KIF13A: variants seen among roughly 807,000 people sequenced by gnomAD.
The protein encoded by KIF13A is kinesin-like protein KIF13A.
A neutral mutation model predicts 212.2 loss-of-function variants in KIF13A; 79 were observed. The observed-to-expected ratio is 0.37, with a 90% CI of 0.31 to 0.45. KIF13A has a LOEUF of 0.45. Ranked by LOEUF, KIF13A falls within the 20% of genes least tolerant of loss-of-function variation. The pLI is 1.00. For synonymous variants in KIF13A, 789 were observed against 808.6 expected (o/e 0.98, Z 0.41); for missense variants, 1,901 against 2,209.0 (o/e 0.86, Z 2.79).
intron 2 of KIF13A, among the ~76,000 whole-genome samples, chr6:17,975,219 G>A (rs1034313038): frequency 5.3e-5 from 8 of 152,156 alleles, no homozygotes; most frequent in Admixed American, 1.3e-4. Context: ...CAGGCGGGGT[G>A]GCAGGTTTCT....
At chr6:17,774,756 A>G (rs1242214785) in intron 35 of KIF13A, among the ~76,000 whole-genome samples, 1 of 151,606 alleles carries the variant, frequency 6.6e-6, no homozygotes, top group African/African-American at 2.4e-5. Context: ...CTGGGTAACA[A>G]GAGTGAAACT....
intron 9 of KIF13A, among the ~76,000 whole-genome samples, chr6:17,844,520 C>T (rs891622444): frequency 5.3e-5 from 8 of 152,180 alleles, no homozygotes; most frequent in Admixed American, 5.2e-4. Context: ...GAGCTTTTAG[C>T]ACTGTGAATC....
chr6:17,815,907 CT>C (rs57780326), intron 17 of KIF13A, among the ~76,000 whole-genome samples: 48,108 of 130,178 alleles, frequency 0.37, 7,171 homozygotes, highest in South Asian at 0.43. Context: ...TAGTCAGGTT[CT>C]TTTTTTTTTT....
In KIF13A at chr6:17,838,965, G is replaced by A. The variant is rs1353437440; in HGVS notation, c.831-1382C>T. Among the ~76,000 whole-genome samples, 3 of 152,032 alleles carry A rather than the reference G, an allele frequency of 2.0e-5. No individual in the cohort carries two copies. Among genetic ancestry groups the A allele is most frequent in the Admixed American group, 6.6e-5 (1 of 15,264 alleles). ...CTCCTGAGTAGCTGGGATTACAGGC[G>A]CCCGCCACCACATCTGGCTGATTTT... On this transcript the variant is annotated intron_variant, in intron 9 of 38. Transcript: ENST00000259711. The surrounding 1 kb of genome is among the most constrained non-coding windows in gnomAD (Gnocchi z 4.2).
At chr6:17,942,471 C>T (rs1438434175) in intron 2 of KIF13A, among the ~76,000 whole-genome samples, 2 of 152,092 alleles carry the variant, frequency 1.3e-5, no homozygotes, top group Admixed American at 6.6e-5. Flanking sequence ...ATTTCACTCC[C>T]TCCCATCTGC....
At chr6:17,913,211 G>A (rs903661172) in intron 2 of KIF13A, among the ~76,000 whole-genome samples, 17 of 105,790 alleles carry the variant, frequency 1.6e-4, no homozygotes, top group African/African-American at 3.9e-4. Context: ...CAGGCAGGAC[G>A]GGATTACGGG....
At position 17,892,249 on chromosome 6, in the gene KIF13A, A is replaced by T. The variant is rs1772133108; in HGVS notation, c.159+5919T>A. ...ATACTGTCTTCTCCTATATGCTGTT[A>T]GCATCAAAGTCCTGGTTACTTTATT... On this transcript the variant is annotated intron_variant, in intron 3 of 38. Transcript: ENST00000259711. This position sits in a 1 kb window ranked among gnomAD's most constrained non-coding sequence, Gnocchi z 4.7. 1.3e-5 allele frequency among the ~76,000 whole-genome samples: 2 copies of T among 152,240 alleles called. No homozygotes were observed. The highest frequency in any genetic ancestry group is 6.5e-5 in the Admixed American group (1 of 15,290).
At position 17,934,460 on chromosome 6, in the gene KIF13A, A is replaced by C. The variant is rs1181019500; in HGVS notation, c.147-36280T>G. On this transcript the variant is annotated intron_variant, in intron 2 of 38. Coordinates refer to ENST00000259711, the MANE Select transcript of KIF13A (RefSeq NM_022113.6). This position sits in a 1 kb window ranked among gnomAD's most constrained non-coding sequence, Gnocchi z 5.4. ...TTCCAGCAGGTAGTATTCTAAAATC[A>C]TAAATACAGAATCCCCAATAATATC... Among the ~76,000 whole-genome samples the C allele has an allele frequency of 6.6e-6, 1 of 152,136 alleles. No individual in the cohort carries two copies. Among genetic ancestry groups the C allele is most frequent in the African/African-American group, 2.4e-5 (1 of 41,436 alleles).
In KIF13A at chr6:17,787,645, TG is replaced by T; in HGVS notation, c.3361+130del. 3 of 612,746 alleles carry T rather than the reference TG, an allele frequency of 4.9e-6. No homozygotes were observed. The highest frequency in any genetic ancestry group is 8.8e-6 in the Non-Finnish European group (3 of 342,648). The allele number at this position is 612,746 out of a possible 1,614,324, so 38.0% of individuals were successfully genotyped here. A position where few individuals can be genotyped will look rare whatever the true frequency, so the allele number is the denominator to read the frequency against. ...CAGCTTGGGTGACAGAGTGAGACCC[TG>T]TCTTAAAACAACAACAACAACAACA... On this transcript the variant is annotated intron_variant, in intron 27 of 38. Transcript: ENST00000259711. The surrounding 1 kb of genome is among the most constrained non-coding windows in gnomAD (Gnocchi z 4.6).
At chr6:17,972,474 G>A (rs990760620) in intron 2 of KIF13A, among the ~76,000 whole-genome samples, 1 of 152,170 alleles carries the variant, frequency 6.6e-6, no homozygotes, top group Non-Finnish European at 1.5e-5. Flanking sequence ...ATAGGTGGGC[G>A]CCAAAGGCAT....
intron 2 of KIF13A, among the ~76,000 whole-genome samples, chr6:17,903,400 G>A (rs918996654): frequency 1.3e-5 from 2 of 152,172 alleles, no homozygotes; most frequent in African/African-American, 4.8e-5. Context: ...TTTAAAGGAT[G>A]CAATGGGATT....
intron 2 of KIF13A, among the ~76,000 whole-genome samples, chr6:17,973,394 T>C (rs575531398): frequency 6.6e-6 from 1 of 152,368 alleles, no homozygotes; most frequent in Admixed American, 6.5e-5. Context: ...AACGACTTCA[T>C]GCTGCTGCTT....
At chr6:17,853,927 G>T (rs1457163182) in intron 6 of KIF13A, among the ~76,000 whole-genome samples, 1 of 150,024 alleles carries the variant, frequency 6.7e-6, no homozygotes, top group East Asian at 2.0e-4. Flanking sequence ...TTTAATTTTA[G>T]CTAGAGTACT....
At chr6:17,870,674 C>G (rs1355148448) in intron 4 of KIF13A, among the ~76,000 whole-genome samples, 1 of 152,188 alleles carries the variant, frequency 6.6e-6, no homozygotes, top group Non-Finnish European at 1.5e-5. Flanking sequence ...TATCTGGCCT[C>G]ATTCAACATG....
chr6:17,945,069 T>C (rs1777266864), intron 2 of KIF13A, among the ~76,000 whole-genome samples: 1 of 152,196 alleles, frequency 6.6e-6, no homozygotes, highest in Non-Finnish European at 1.5e-5. Flanking sequence ...GCTCAGCAGT[T>C]TGAGACCAGT....
downstream of KIF13A, among the ~76,000 whole-genome samples, chr6:17,763,518 T>G (rs1758693365): frequency 6.7e-6 from 1 of 149,424 alleles, no homozygotes; most frequent in South Asian, 2.1e-4. Context: ...TTAACCAGTA[T>G]TATAAACTGA....
intron 9 of KIF13A, among the ~76,000 whole-genome samples, chr6:17,844,333 G>C (rs1766815322): frequency 6.6e-6 from 1 of 152,162 alleles, no homozygotes; most frequent in African/African-American, 2.4e-5. Flanking sequence ...CGTTGTGGTA[G>C]AACAATAGAG....
intron 2 of KIF13A, among the ~76,000 whole-genome samples, chr6:17,978,908 T>G (rs12201624): frequency 0.22 from 33,597 of 152,140 alleles, 4,265 homozygotes; most frequent in African/African-American, 0.35. Context: ...AAATATGTGA[T>G]ACAAAAGATA....
chr6:17,933,442 C>T (rs979036682), intron 2 of KIF13A, among the ~76,000 whole-genome samples: 9 of 139,532 alleles, frequency 6.5e-5, no homozygotes, highest in African/African-American at 2.1e-4. Flanking sequence ...CAAGGTCTCA[C>T]TATGTTGCCC....
Sources: gnomAD v4.1 joint callset for allele counts (sites outside exome capture counted in the v4.1 genomes callset) on GRCh38, gnomAD v4.1.1 for gene constraint, Gnocchi (gnomAD v3.1) non-coding constraint, MANE v1.5 for transcripts, NCBI Gene and HGNC (gene_info 2026-07-23, HGNC 2026-07-21) for gene names.